The following TRIM67 variants were observed in gnomAD, a reference collection of about 807,000 sequenced individuals.
TRIM67 encodes tripartite motif-containing protein 67.
In TRIM67, 39 loss-of-function variants were observed where a neutral mutation model predicts 71.0. The ratio of observed to expected loss-of-function variants is 0.55; its 90% confidence interval spans 0.43 to 0.72. The LOEUF (loss-of-function observed/expected upper bound fraction) is 0.72, where lower values mean the gene tolerates loss of function less well. TRIM67 is among the 30% of genes least tolerant of loss of function. TRIM67 has a pLI of 0.00. For synonymous variants in TRIM67, 481 were observed against 473.9 expected (o/e 1.01, Z -0.19); for missense variants, 973 against 1,079.2 (o/e 0.90, Z 1.38).
At chr1:231,170,479 T>G (rs1273703825) in intron 1 of TRIM67, among the ~76,000 whole-genome samples, 3 of 152,246 alleles carry the variant, frequency 2.0e-5, no homozygotes, top group Admixed American at 1.3e-4. Flanking sequence ...CTCCTGTCAC[T>G]ATTCATGAAT....
chr1:231,188,575 G>A (rs1030782254), intron 1 of TRIM67, among the ~76,000 whole-genome samples: 35 of 152,206 alleles, frequency 2.3e-4, no homozygotes, highest in African/African-American at 8.2e-4. Flanking sequence ...CCAAAGTGCA[G>A]TGCAATGGAG....
At chr1:231,178,526 G>T (rs1222434843) in intron 1 of TRIM67, among the ~76,000 whole-genome samples, 1 of 152,188 alleles carries the variant, frequency 6.6e-6, no homozygotes, top group Non-Finnish European at 1.5e-5. Flanking sequence ...CCTGTCCAAG[G>T]CTGGGCACAA....
In TRIM67 at chr1:231,216,295, C is replaced by A; in HGVS notation, c.*855C>A. 1.0e-6 allele frequency: 1 copy of A among 981,828 alleles called. No homozygotes were observed. The highest frequency in any genetic ancestry group is 4.7e-5 in the South Asian group (1 of 21,204). The allele number at this position is 981,828 out of a possible 1,614,324, so 60.8% of individuals were successfully genotyped here. The stretch of plus-strand genomic sequence containing the variant: ...TCCCTCCCTCCTTCTCTCTCTCTCT[C>A]ACACACACACAGGCATGACAGTCTC... On this transcript the variant is annotated 3_prime_UTR_variant, in exon 10 of 10. Transcript: ENST00000366653.
chr1:231,208,346 T>C (rs1683771014), intron 7 of TRIM67, among the ~76,000 whole-genome samples: 1 of 152,176 alleles, frequency 6.6e-6, no homozygotes, highest in Non-Finnish European at 1.5e-5. Context: ...GCTAATTTTT[T>C]TGTATTTTTA....
chr1:231,164,021 C>G lies in TRIM67; in HGVS notation c.1044+8C>G, dbSNP rs573788088. On this transcript the variant is annotated splice_region_variant and intron_variant, in intron 1 of 9. Transcript: ENST00000366653. ...ATGTGGAAGCAGCACAAGGTGAGCC[C>G]GCGGGACGCGGGAGTGCAGGTGCCA... 3 of 1,493,214 alleles carry G rather than the reference C, an allele frequency of 2.0e-6. No individual in the cohort carries two copies. The highest frequency in any genetic ancestry group is 2.7e-6 in the Non-Finnish European group (3 of 1,112,124). 92.5% of individuals were successfully genotyped at this position (1,493,214 alleles called of 1,614,324 possible).
intron 1 of TRIM67, among the ~76,000 whole-genome samples, chr1:231,177,344 G>A (rs548982066): frequency 6.6e-6 from 1 of 152,334 alleles, no homozygotes; most frequent in African/African-American, 2.4e-5. Flanking sequence ...TAATTCTATT[G>A]TTGTTACAAG....
chr1:231,169,368 CTTTTTTTT>C (rs775082418), intron 1 of TRIM67, among the ~76,000 whole-genome samples: 32 of 81,664 alleles, frequency 3.9e-4, no homozygotes, highest in Non-Finnish European at 5.9e-4. Context: ...ATTCTTTTCT[CTTTTTTTT>C]TTTTTTTTTT....
intron 1 of TRIM67, among the ~76,000 whole-genome samples, chr1:231,173,510 G>GA (rs1405883601): frequency 7.9e-5 from 12 of 152,330 alleles, no homozygotes; most frequent in African/African-American, 2.6e-4. Flanking sequence ...GCAGGATTCT[G>GA]AAGGCAGCAC....
rs1178660984 is a variant in TRIM67, at chr1:231,219,742, AT to A, written c.*4303del. The A allele has an allele frequency of 8.3e-7, 1 of 1,197,640 alleles. No homozygotes were observed. Among genetic ancestry groups the A allele is most frequent in the African/African-American group, 1.6e-5 (1 of 62,712 alleles). The allele number at this position is 1,197,640 out of a possible 1,614,324, so 74.2% of individuals were successfully genotyped here. Reference sequence around the variant, plus strand: ...CAGATCTTATTGGCAAATATTCAAGATGGTGATGCTGGAAAATTTCAGGACT... The same window carrying A: ...CAGATCTTATTGGCAAATATTCAAGAGGTGATGCTGGAAAATTTCAGGACT... On this transcript the variant is annotated 3_prime_UTR_variant, in exon 10 of 10. Transcript: ENST00000366653.
At position 231,162,701 on chromosome 1, in the gene TRIM67, C is replaced by G. The variant is rs1463974804; in HGVS notation, c.-269C>G. 2 of 481,062 alleles carry G rather than the reference C, an allele frequency of 4.2e-6. No individual in the cohort carries two copies. Among genetic ancestry groups the G allele is most frequent in the African/African-American group, 4.1e-5 (2 of 48,378 alleles). 29.8% of individuals were successfully genotyped at this position (481,062 alleles called of 1,614,324 possible). A position where few individuals can be genotyped will look rare whatever the true frequency, so the allele number is the denominator to read the frequency against. Reference sequence around the variant, plus strand: ...CACCGCGAGGGCAGCCGACCGGCTCCGGAATCTGGCCGCAGGTTGAAGCCG... The same window carrying G: ...CACCGCGAGGGCAGCCGACCGGCTCGGGAATCTGGCCGCAGGTTGAAGCCG... On this transcript the variant is annotated 5_prime_UTR_variant, in exon 1 of 10. Transcript: ENST00000366653.
At chr1:231,190,644 G>A (rs1377089570) in intron 1 of TRIM67, among the ~76,000 whole-genome samples, 4 of 152,134 alleles carry the variant, frequency 2.6e-5, no homozygotes, top group African/African-American at 9.7e-5. Flanking sequence ...ATCTACCCAG[G>A]GGCGTCCCTC....
chr1:231,198,933 A>G, intron 2 of TRIM67, 114 bp from the exon 3 acceptor site: 1 of 1,518,484 alleles, frequency 6.6e-7, no homozygotes, highest in Non-Finnish European at 9.0e-7. Context: ...CATTATAGAG[A>G]AATCTAGGAT....
At chr1:231,185,192 C>G in intron 1 of TRIM67, 1 of 1,533,034 alleles carries the variant, frequency 6.5e-7, no homozygotes, top group Non-Finnish European at 8.7e-7. Flanking sequence ...ATTCCTGCAC[C>G]TTCCACCCTT....
intron 1 of TRIM67, among the ~76,000 whole-genome samples, chr1:231,193,443 C>T (rs1409896906): frequency 6.7e-6 from 1 of 149,810 alleles, no homozygotes; most frequent in Non-Finnish European, 1.5e-5. Context: ...GCTCACAGCC[C>T]CCTCTGATAG....
chr1:231,203,982 G>A lies in TRIM67; in HGVS notation c.1650G>A (p.Glu550=). ...THSPVDGYIL[E]LDDGAGGQFR... is the part of the protein sequence containing the mutation. ...GCCCCGTGGACGGCTACATCCTGGAGCTGGACGACGGTGCCGGGGGACAGT... is the reference window on the plus strand; with the variant it reads ...GCCCCGTGGACGGCTACATCCTGGAACTGGACGACGGTGCCGGGGGACAGT... Residue 550 remains glutamate (E), a synonymous_variant, in exon 6 of 10, where the codon GAG becomes GAA. Coordinates refer to ENST00000366653, the MANE Select transcript of TRIM67 (RefSeq NM_001004342.5). 6.2e-7 allele frequency: 1 copy of A among 1,614,000 alleles called. No individual in the cohort carries two copies. Among genetic ancestry groups the A allele is most frequent in the South Asian group, 1.1e-5 (1 of 91,082 alleles).
intron 1 of TRIM67, chr1:231,186,087 T>C (rs1411219780): frequency 1.3e-6 from 2 of 1,533,038 alleles, no homozygotes; most frequent in African/African-American, 1.4e-5. Flanking sequence ...TCTCTCCTGA[T>C]AGGCGGCTGG....
chr1:231,195,653 G>A (rs548314763), intron 1 of TRIM67, among the ~76,000 whole-genome samples: 5 of 152,204 alleles, frequency 3.3e-5, no homozygotes, highest in Admixed American at 6.5e-5. Context: ...CCTGGGGACC[G>A]GGCCCCCTTC....
At chr1:231,200,363 G>A (rs1447958284) in intron 4 of TRIM67, 105 bp downstream of exon 4, 1 of 716,348 alleles carries the variant, frequency 1.4e-6, no homozygotes, top group East Asian at 2.6e-5. Context: ...CTTGGATTGA[G>A]TAGATTCTCC....
rs187850803 is a variant in TRIM67 at position 231,197,648 on chromosome 1, A to G, written c.1140+182A>G. ...TGAGACCAGCCTTACCAACATGGAG[A>G]AACCCGTCTCTACTAAAAATACAAA... On this transcript the variant is annotated intron_variant, in intron 2 of 9. Transcript: ENST00000366653. Among the ~76,000 whole-genome samples the G allele has an allele frequency of 1.7e-3, 265 of 152,310 alleles. 1 individual carries two copies. Among genetic ancestry groups the G allele is most frequent in the African/African-American group, 6.1e-3 (253 of 41,572 alleles).
Sources: allele counts gnomAD v4.1 joint callset (sites outside exome capture counted in the v4.1 genomes callset), GRCh38; gene constraint gnomAD v4.1.1; transcripts MANE v1.5; gene names NCBI Gene and HGNC (gene_info 2026-07-23, HGNC 2026-07-21).